KLRG1: variants seen among roughly 807,000 people sequenced by gnomAD.
KLRG1 encodes the protein killer cell lectin like receptor G1, also known as killer cell lectin-like receptor subfamily G member 1.
Under a neutral mutation model 21.8 loss-of-function variants are expected in KLRG1, and 16 were observed. That is an observed-to-expected ratio of 0.73 (90% CI 0.50 to 1.11). The LOEUF (loss-of-function observed/expected upper bound fraction) is 1.11. Ranked by LOEUF, KLRG1 falls within the 50% of genes most tolerant of loss-of-function variation. The probability of loss-of-function intolerance (pLI) is 0.00; values close to 1 mark genes in which losing one functional copy is unlikely to be tolerated. For missense variants in KLRG1, 173 were observed against 218.3 expected (o/e 0.79, Z 1.31); for synonymous variants, 69 against 75.9 (o/e 0.91, Z 0.47).
At chr12:9,186,454 A>G in the KLRG1 span, among the ~76,000 whole-genome samples, 1 of 152,174 alleles carries the variant, frequency 6.6e-6, no homozygotes, top group Non-Finnish European at 1.5e-5. Flanking sequence ...AGAGGCACAG[A>G]GTGGCAAGCC....
At chr12:9,214,188 A>G in the KLRG1 span, among the ~76,000 whole-genome samples, 360 of 152,130 alleles carry the variant, frequency 2.4e-3, 2 homozygotes, top group African/African-American at 8.1e-3. Flanking sequence ...CCATTGATCT[A>G]TATATCTATC....
the KLRG1 span, among the ~76,000 whole-genome samples, chr12:9,023,343 A>G: frequency 3.9e-5 from 6 of 152,182 alleles, no homozygotes; most frequent in Non-Finnish European, 8.8e-5. Flanking sequence ...TTTGGTCACA[A>G]AAGCATTTTG....
intron 1 of KLRG1, among the ~76,000 whole-genome samples, chr12:8,981,512 G>T (rs932307084): frequency 6.6e-6 from 1 of 151,360 alleles, no homozygotes; most frequent in Admixed American, 6.6e-5. Flanking sequence ...TTTTACCCAT[G>T]GGTTATTCTT....
the KLRG1 span, among the ~76,000 whole-genome samples, chr12:9,034,324 G>A: frequency 2.0e-5 from 3 of 152,150 alleles, no homozygotes; most frequent in Admixed American, 2.0e-4. Flanking sequence ...TGATGCTGGT[G>A]TAAATGAACC....
At chr12:9,017,264 CAAAAAAA>C in the KLRG1 span, among the ~76,000 whole-genome samples, 81 of 53,112 alleles carry the variant, frequency 1.5e-3, no homozygotes, top group Non-Finnish European at 2.3e-3. Flanking sequence ...AACTCCATCT[CAAAAAAA>C]AAAAAAAAAA....
the KLRG1 span, chr12:9,115,278 T>G: frequency 6.5e-6 from 1 of 154,248 alleles, no homozygotes; most frequent in Non-Finnish European, 1.4e-5. Flanking sequence ...AAAGGATTTC[T>G]CTTCTGACAT....
At chr12:9,077,419 C>T in the KLRG1 span, 1 of 1,612,262 alleles carries the variant, frequency 6.2e-7, no homozygotes, top group East Asian at 2.2e-5. Flanking sequence ...TTCTACTCCT[C>T]CCTGTGAATA....
the KLRG1 span, chr12:9,109,905 C>T: frequency 6.2e-7 from 1 of 1,612,790 alleles, no homozygotes; most frequent in South Asian, 1.1e-5. Context: ...TGTCCTTCCA[C>T]CTGATTTCTT....
the KLRG1 span, chr12:9,203,891 G>C: frequency 1.2e-6 from 2 of 1,614,150 alleles, no homozygotes; most frequent in Non-Finnish European, 1.7e-6. Context: ...GGCTCAGAAG[G>C]ACACAGCCCT....
chr12:9,153,020 G>A, the KLRG1 span: 507 of 1,605,160 alleles, frequency 3.2e-4, no homozygotes, highest in Non-Finnish European at 3.7e-4. Flanking sequence ...ATTACTTAAC[G>A]TCTCCAGAGG....
chr12:9,205,143 GAA>G, the KLRG1 span, among the ~76,000 whole-genome samples: 1 of 152,034 alleles, frequency 6.6e-6, no homozygotes, highest in Non-Finnish European at 1.5e-5. Flanking sequence ...ATATTATTTT[GAA>G]AAGTCTTTTC....
At chr12:9,054,134 G>A in the KLRG1 span, among the ~76,000 whole-genome samples, 4 of 152,194 alleles carry the variant, frequency 2.6e-5, no homozygotes, top group Non-Finnish European at 4.4e-5. Context: ...CTGGTCATAC[G>A]AATCTGTTGG....
At chr12:9,064,107 T>C in the KLRG1 span, among the ~76,000 whole-genome samples, 1 of 152,258 alleles carries the variant, frequency 6.6e-6, no homozygotes, top group Non-Finnish European at 1.5e-5. This position sits in a 1 kb window ranked among gnomAD's most constrained non-coding sequence, Gnocchi z 4.0. Flanking sequence ...ATATACTTTC[T>C]CCTGGCCTTT....
At chr12:9,187,423 C>T in the KLRG1 span, among the ~76,000 whole-genome samples, 1 of 152,158 alleles carries the variant, frequency 6.6e-6, no homozygotes, top group Non-Finnish European at 1.5e-5. Context: ...ACCGATCACA[C>T]AATCAGACAT....
chr12:9,160,054 G>A, the KLRG1 span: 7 of 1,590,334 alleles, frequency 4.4e-6, no homozygotes, highest in Non-Finnish European at 5.2e-6. Context: ...GATTGTTCAT[G>A]AAGCATTAAA....
the KLRG1 span, chr12:9,202,448 GC>G: frequency 6.2e-7 from 1 of 1,612,010 alleles, no homozygotes; most frequent in South Asian, 1.1e-5. Flanking sequence ...AGGCTACGGG[GC>G]TAGGATAATG....
At chr12:9,020,402 C>T in the KLRG1 span, among the ~76,000 whole-genome samples, 2 of 152,168 alleles carry the variant, frequency 1.3e-5, no homozygotes, top group Non-Finnish European at 2.9e-5. Flanking sequence ...CTCTCCCTTT[C>T]CTCCCTGTCC....
the KLRG1 span, among the ~76,000 whole-genome samples, chr12:9,063,381 C>A: frequency 6.6e-6 from 1 of 152,036 alleles, no homozygotes; most frequent in South Asian, 2.1e-4. Flanking sequence ...TAAGAAAATG[C>A]AAGAGAATAG....
At chr12:9,087,662 A>G in the KLRG1 span, among the ~76,000 whole-genome samples, 1 of 152,156 alleles carries the variant, frequency 6.6e-6, no homozygotes, top group South Asian at 2.1e-4. Flanking sequence ...AAATGTTCCC[A>G]CCACAAAACA....
Sources: gnomAD v4.1 joint callset for allele counts (sites outside exome capture counted in the v4.1 genomes callset) on GRCh38, gnomAD v4.1.1 for gene constraint, Gnocchi (gnomAD v3.1) non-coding constraint, MANE v1.5 for transcripts, NCBI Gene and HGNC (gene_info 2026-07-23, HGNC 2026-07-21) for gene names.